PLXNA4: variants seen among roughly 807,000 people sequenced by gnomAD.
PLXNA4 encodes the protein plexin-A4.
In PLXNA4, 44 loss-of-function variants were observed where a neutral mutation model predicts 191.8. That is an observed-to-expected ratio of 0.23 (90% CI 0.18 to 0.29). The LOEUF (loss-of-function observed/expected upper bound fraction) is 0.29, where lower values mean the gene tolerates loss of function less well. Among genes scored for constraint, PLXNA4 ranks in the 10% least tolerant of loss-of-function variants. PLXNA4 has a pLI of 1.00. For missense variants in PLXNA4, 1,800 were observed against 2,488.8 expected, an observed-to-expected ratio of 0.72 and a Z score of 5.89; for synonymous variants, 1,082 against 1,009.5, an observed-to-expected ratio of 1.07 and a Z score of -1.36.
At position 132,440,874 on chromosome 7, in the gene PLXNA4, A is replaced by G. The variant is rs570107791; in HGVS notation, c.1371+48418T>C. On this transcript the variant is annotated intron_variant, in intron 3 of 31. Coordinates refer to ENST00000321063, the MANE Select transcript of PLXNA4 (RefSeq NM_020911.2). The stretch of plus-strand genomic sequence containing the variant: ...ACTTGGGCACCTGGTAGAGAAGGGG[A>G]TGAAGAGCAAAAAAGGTTGGTGAAC... 3.3e-3 allele frequency among the ~76,000 whole-genome samples: 509 copies of G among 152,334 alleles called. 3 individuals are homozygous for G. The highest frequency in any genetic ancestry group is 0.011 in the African/African-American group (473 of 41,574).
At chr7:132,629,857 C>CTTT (rs34620006) in intron 2 of PLXNA4, among the ~76,000 whole-genome samples, 16 of 149,034 alleles carry the variant, frequency 1.1e-4, no homozygotes, top group Admixed American at 2.7e-4. Flanking sequence ...TGTCTCTTCT[C>CTTT]TTTTTTTTTT....
At position 132,128,283 on chromosome 7, in the gene PLXNA4, T is replaced by G. The variant is rs559365148; in HGVS notation, c.*2196A>C. The G allele has an allele frequency of 5.3e-5, 8 of 152,236 alleles. No homozygotes were observed. Among genetic ancestry groups the G allele is most frequent in the African/African-American group, 1.9e-4 (8 of 41,538 alleles). 9.4% of individuals were successfully genotyped at this position (152,236 alleles called of 1,614,324 possible). On this transcript the variant is annotated 3_prime_UTR_variant, in exon 32 of 32. Transcript: ENST00000321063. ...ACTTGCCAAAACCTTTGGTTATTTATTTTTTTTCTTCCTCTTCCAATGCAT... is the reference window on the plus strand; with the variant it reads ...ACTTGCCAAAACCTTTGGTTATTTAGTTTTTTTCTTCCTCTTCCAATGCAT...
At chr7:132,163,189 T>C (rs1267843651) in intron 24 of PLXNA4, among the ~76,000 whole-genome samples, 1 of 152,170 alleles carries the variant, frequency 6.6e-6, no homozygotes, top group Non-Finnish European at 1.5e-5. Flanking sequence ...TGGAGATCAC[T>C]GTGATCTCCA....
chr7:132,361,845 G>A (rs1014878876), intron 3 of PLXNA4, among the ~76,000 whole-genome samples: 17 of 151,968 alleles, frequency 1.1e-4, no homozygotes, highest in Admixed American at 3.3e-4. Flanking sequence ...GTGTGCACGC[G>A]TGCGTGAAAA....
At chr7:132,469,617 G>A (rs1453712198) in intron 3 of PLXNA4, among the ~76,000 whole-genome samples, 2 of 152,190 alleles carry the variant, frequency 1.3e-5, no homozygotes, top group Non-Finnish European at 2.9e-5. Context: ...GCCAAGCAGA[G>A]AACATGTCCT....
intron 3 of PLXNA4, among the ~76,000 whole-genome samples, chr7:132,334,320 C>T (rs1483855526): frequency 1.4e-5 from 2 of 142,206 alleles, no homozygotes; most frequent in Non-Finnish European, 3.0e-5. Context: ...TGCAGTGGCC[C>T]AGTCGCAGCT....
chr7:132,315,412 A>G (rs1415497745), intron 3 of PLXNA4, among the ~76,000 whole-genome samples: 3 of 152,234 alleles, frequency 2.0e-5, no homozygotes, highest in Non-Finnish European at 2.9e-5. Flanking sequence ...AATTCACACC[A>G]CACATAGTAA....
At chr7:132,563,638 CTCCTCCTCCTTCTCCTCT>C (rs1801495895) in intron 1 of PLXNA4, among the ~76,000 whole-genome samples, 1 of 126,930 alleles carries the variant, frequency 7.9e-6, no homozygotes, top group Non-Finnish European at 1.7e-5. Context: ...CTTCCTCCTT[CTCCTCCTCCTTCTCCTCT>C]TCCTCCTCCT....
intron 4 of PLXNA4, among the ~76,000 whole-genome samples, chr7:132,257,204 C>T (rs568425216): frequency 1.6e-4 from 24 of 152,196 alleles, no homozygotes; most frequent in African/African-American, 4.8e-4. Context: ...GTAACTCTCT[C>T]GTGATGAGCT....
intron 4 of PLXNA4, 78 bp downstream of exon 4, chr7:132,298,013 C>T: frequency 1.3e-6 from 2 of 1,562,280 alleles, no homozygotes; most frequent in Non-Finnish European, 8.8e-7. Context: ...CTGCAGCTGG[C>T]CTCCTAAGGT....
At chr7:132,258,666 C>T (rs140587916) in intron 4 of PLXNA4, among the ~76,000 whole-genome samples, 1 of 152,138 alleles carries the variant, frequency 6.6e-6, no homozygotes, top group Admixed American at 6.5e-5. Context: ...TATGCTTAGA[C>T]CTTTTGTGAT....
upstream of PLXNA4, among the ~76,000 whole-genome samples, chr7:132,578,273 T>C (rs1436439712): frequency 6.6e-6 from 1 of 151,912 alleles, no homozygotes; most frequent in Non-Finnish European, 1.5e-5. Flanking sequence ...GCTCCCACCA[T>C]AGTCTGAGGG....
At chr7:132,178,827 CATACACATACACATAT>C (rs1225386548) in intron 20 of PLXNA4, among the ~76,000 whole-genome samples, 2 of 109,512 alleles carry the variant, frequency 1.8e-5, no homozygotes, top group African/African-American at 9.8e-5. Context: ...AAATGAAACA[CATACACATACACATAT>C]ATACACACAC....
At chr7:132,173,696 C>T (rs901217979) in intron 21 of PLXNA4, among the ~76,000 whole-genome samples, 33 of 152,208 alleles carry the variant, frequency 2.2e-4, no homozygotes, top group Non-Finnish European at 3.7e-4. Flanking sequence ...CCTCAGGTGT[C>T]GGTACCTGCA....
At chr7:132,518,396 C>A (rs1339163477) in intron 1 of PLXNA4, among the ~76,000 whole-genome samples, 1 of 152,228 alleles carries the variant, frequency 6.6e-6, no homozygotes, top group Non-Finnish European at 1.5e-5. Context: ...AGCTCAGCCA[C>A]AACACAGCCT....
intron 1 of PLXNA4, among the ~76,000 whole-genome samples, chr7:132,562,971 T>C (rs1022338176): frequency 2.2e-3 from 54 of 24,014 alleles, no homozygotes; most frequent in South Asian, 4.3e-3. Flanking sequence ...CCTCCTCCTC[T>C]CCCTCCTCCT....
At chr7:132,284,496 C>T (rs563747446) in intron 4 of PLXNA4, among the ~76,000 whole-genome samples, 6 of 152,154 alleles carry the variant, frequency 3.9e-5, no homozygotes, top group Non-Finnish European at 7.3e-5. Context: ...CTCCAGAGGG[C>T]CTTCCTCTCC....
chr7:132,206,451 TGTGTG>T (rs1797621307), intron 10 of PLXNA4, among the ~76,000 whole-genome samples: 1 of 151,596 alleles, frequency 6.6e-6, no homozygotes, highest in African/African-American at 2.4e-5. Context: ...TGTGTGTGTG[TGTGTG>T]TGTGTGTGTG....
intron 2 of PLXNA4, among the ~76,000 whole-genome samples, chr7:132,603,415 A>G (rs1802858100): frequency 6.6e-6 from 1 of 152,200 alleles, no homozygotes; most frequent in African/African-American, 2.4e-5. Context: ...GGCAGCCCTG[A>G]GTTGCAGATA....
Sources: allele counts gnomAD v4.1 joint callset (sites outside exome capture counted in the v4.1 genomes callset), GRCh38; gene constraint gnomAD v4.1.1; transcripts MANE v1.5; gene names NCBI Gene and HGNC (gene_info 2026-07-23, HGNC 2026-07-21).